MAP4K4: variants seen among roughly 807,000 people sequenced by gnomAD.
MAP4K4 encodes HPK/GCK-like kinase HGK.
MAP4K4 carries 38 observed loss-of-function variants against 189.6 expected under a neutral mutation model. That is an observed-to-expected ratio of 0.20 (90% CI 0.15 to 0.26). MAP4K4 has a LOEUF of 0.26. MAP4K4 is among the 10% of genes least tolerant of loss of function. The pLI, the probability that MAP4K4 is intolerant of heterozygous loss-of-function variation, is 1.00. For synonymous variants in MAP4K4, 610 were observed against 624.3 expected (o/e 0.98, Z 0.34); for missense variants, 1,054 against 1,726.9 (o/e 0.61, Z 6.91).
In MAP4K4 at chr2:101,721,715, A is replaced by G. The variant is rs184443017; in HGVS notation, c.123+23177A>G. Among the ~76,000 whole-genome samples the G allele has an allele frequency of 1.4e-4, 22 of 152,290 alleles. 2 individuals carry two copies. In the East Asian group the frequency reaches 3.3e-3, roughly 23 times the overall value. ...CACCCAAAGTGCTGGGATTACAGGC[A>G]TGAGTCACTGGTGCCCAGCCCTTGC... On this transcript the variant is annotated intron_variant, in intron 2 of 32. Coordinates refer to ENST00000324219, the Ensembl canonical transcript of MAP4K4.
At chr2:101,766,185 A>G (rs796735702) in intron 2 of MAP4K4, among the ~76,000 whole-genome samples, 2 of 152,328 alleles carry the variant, frequency 1.3e-5, no homozygotes, top group African/African-American at 4.8e-5. Context: ...CTATGTATGC[A>G]CGCACATATA....
intron 2 of MAP4K4, among the ~76,000 whole-genome samples, chr2:101,713,324 G>A (rs1414535603): frequency 6.6e-6 from 1 of 152,152 alleles, no homozygotes; most frequent in Non-Finnish European, 1.5e-5. Context: ...GCTGAGTGCA[G>A]TGGCTCATTC....
intron 2 of MAP4K4, among the ~76,000 whole-genome samples, chr2:101,774,989 A>G (rs1310553361): frequency 2.3e-5 from 3 of 132,606 alleles, no homozygotes; most frequent in Non-Finnish European, 4.9e-5. Context: ...ACTTCCCCCC[A>G]TTTTGTTTAT....
chr2:101,699,749 T>G (rs1251259536), intron 2 of MAP4K4, among the ~76,000 whole-genome samples: 1 of 152,232 alleles, frequency 6.6e-6, no homozygotes, highest in East Asian at 1.9e-4. Context: ...TAGTGTACTG[T>G]ACTGGACTGT....
chr2:101,813,240 A>G (rs1017732995), intron 3 of MAP4K4, among the ~76,000 whole-genome samples: 1 of 152,266 alleles, frequency 6.6e-6, no homozygotes, highest in Non-Finnish European at 1.5e-5. Context: ...TTGTATTTTC[A>G]ACAATAATCT....
chr2:101,743,753 G>A (rs993175956), intron 2 of MAP4K4, among the ~76,000 whole-genome samples: 4 of 152,072 alleles, frequency 2.6e-5, no homozygotes, highest in Non-Finnish European at 4.4e-5. Context: ...TTCCTTCCAG[G>A]TTCAAGCAAT....
chr2:101,744,413 G>A (rs1248486194), intron 2 of MAP4K4, among the ~76,000 whole-genome samples: 12 of 152,200 alleles, frequency 7.9e-5, no homozygotes, highest in Admixed American at 7.9e-4. Context: ...AGCCACATGT[G>A]GCTTAATGGC....
intron 3 of MAP4K4, among the ~76,000 whole-genome samples, chr2:101,791,297 G>C (rs985176229): frequency 6.6e-6 from 1 of 152,114 alleles, no homozygotes; most frequent in Non-Finnish European, 1.5e-5. Flanking sequence ...GCAAAAAATA[G>C]TTCTTGAAAT....
At chr2:101,707,725 T>C (rs7355374) in intron 2 of MAP4K4, among the ~76,000 whole-genome samples, 110,973 of 147,040 alleles carry the variant, frequency 0.75, 42,273 homozygotes, top group African/African-American at 0.88. Context: ...GAGTCTCGCT[T>C]TGTCGCCCAG....
At chr2:101,773,318 C>T (rs1336508173) in intron 2 of MAP4K4, among the ~76,000 whole-genome samples, 2 of 152,210 alleles carry the variant, frequency 1.3e-5, no homozygotes, top group Admixed American at 6.5e-5. Flanking sequence ...AGCAAAATCC[C>T]TAAGCGGATG....
At chr2:101,759,502 TCTCCC>T (rs1405018111) in intron 2 of MAP4K4, among the ~76,000 whole-genome samples, 1 of 14,424 alleles carries the variant, frequency 6.9e-5, no homozygotes, top group Non-Finnish European at 1.2e-4. Context: ...TCTCCTCCCC[TCTCCC>T]CTCCCCTCCC....
chr2:101,788,214 A>T (rs2092046950), intron 2 of MAP4K4, among the ~76,000 whole-genome samples: 1 of 152,076 alleles, frequency 6.6e-6, no homozygotes, highest in Admixed American at 6.6e-5. Context: ...TACATTTGAG[A>T]CAATTGCAGT....
intron 4 of MAP4K4, among the ~76,000 whole-genome samples, chr2:101,825,088 G>C (rs532082986): frequency 5.9e-5 from 9 of 152,278 alleles, no homozygotes; most frequent in Middle Eastern, 3.4e-3. Flanking sequence ...TGCTGCACTT[G>C]GGTGTGCCGT....
chr2:101,712,173 A>G (rs1184883545), intron 2 of MAP4K4, among the ~76,000 whole-genome samples: 1 of 151,576 alleles, frequency 6.6e-6, no homozygotes, highest in Non-Finnish European at 1.5e-5. Context: ...TTTAGTATAC[A>G]TTTCACTTTT....
At chr2:101,808,127 C>G (rs1227163516) in intron 3 of MAP4K4, among the ~76,000 whole-genome samples, 3 of 152,188 alleles carry the variant, frequency 2.0e-5, no homozygotes, top group African/African-American at 4.8e-5. Flanking sequence ...GGTTGTTTCC[C>G]TTGTTTTTAT....
chr2:101,732,876 C>A (rs73943747), intron 2 of MAP4K4, among the ~76,000 whole-genome samples: 2 of 152,226 alleles, frequency 1.3e-5, no homozygotes, highest in African/African-American at 2.4e-5. Context: ...CGTGAGCCAC[C>A]GCATCCAGCC....
At chr2:101,755,852 T>G (rs2072261159) in intron 2 of MAP4K4, among the ~76,000 whole-genome samples, 1 of 151,372 alleles carries the variant, frequency 6.6e-6, no homozygotes, top group African/African-American at 2.4e-5. Flanking sequence ...CGTTAGTAGG[T>G]GCACATCTGT....
intron 2 of MAP4K4, among the ~76,000 whole-genome samples, chr2:101,714,458 C>T (rs188268012): frequency 1.0e-3 from 154 of 152,174 alleles, no homozygotes; most frequent in African/African-American, 3.4e-3. Context: ...TTGACAAAAA[C>T]GGCTAGAAGA....
chr2:101,722,356 G>T (rs765972755), intron 2 of MAP4K4, among the ~76,000 whole-genome samples: 3 of 152,188 alleles, frequency 2.0e-5, no homozygotes, highest in Admixed American at 2.0e-4. Flanking sequence ...CTGCAACTCT[G>T]ATGAAGGGTG....
Sources: allele counts gnomAD v4.1 joint callset (sites outside exome capture counted in the v4.1 genomes callset), GRCh38; gene constraint gnomAD v4.1.1; transcripts MANE v1.5; gene names NCBI Gene and HGNC (gene_info 2026-07-23, HGNC 2026-07-21).